The following ABCG2 variants were observed in gnomAD, a reference collection of about 807,000 sequenced individuals.
ABCG2 encodes the protein ATP binding cassette subfamily G member 2 (JR blood group), also known as broad substrate specificity ATP-binding cassette transporter ABCG2.
ABCG2 carries 80 observed loss-of-function variants against 73.5 expected under a neutral mutation model. The ratio of observed to expected loss-of-function variants is 1.09; its 90% CI spans 0.91 to 1.31. The LOEUF (loss-of-function observed/expected upper bound fraction) is 1.31. ABCG2 is among the 50% of genes most tolerant of loss of function. ABCG2 has a pLI of 0.00. For synonymous variants in ABCG2, 269 were observed against 282.4 expected (o/e 0.95, Z 0.48); for missense variants, 796 against 786.2 (o/e 1.01, Z -0.15).
In ABCG2 at chr4:88,101,338, C is replaced by G; in HGVS notation, c.1278-19G>C. 1 of 1,605,204 alleles carries G rather than the reference C, an allele frequency of 6.2e-7. No homozygotes were observed. Among genetic ancestry groups the G allele is most frequent in the South Asian group, 1.1e-5 (1 of 90,838 alleles). ...CCCAGCTCTGCCATGAAAAGGGGAA[C>G]CAAATCACCGCAGTCAACTCAGCAT... On this transcript the variant is annotated intron_variant, in intron 10 of 15. Coordinates refer to ENST00000237612, the MANE Select transcript of ABCG2 (RefSeq NM_004827.3).
intron 1 of ABCG2, among the ~76,000 whole-genome samples, chr4:88,191,345 A>G (rs1728686176): frequency 6.6e-6 from 1 of 151,838 alleles, no homozygotes; most frequent in South Asian, 2.1e-4. Context: ...CAACAAGTAC[A>G]TGAAAAGATG....
chr4:88,138,129 C>T (rs1476710199), intron 2 of ABCG2, among the ~76,000 whole-genome samples: 1 of 152,050 alleles, frequency 6.6e-6, no homozygotes, highest in Non-Finnish European at 1.5e-5. Context: ...TTAGGTGATG[C>T]AGCAGGACTC....
intron 2 of ABCG2, among the ~76,000 whole-genome samples, chr4:88,135,157 C>G (rs1376475583): frequency 1.3e-5 from 2 of 152,172 alleles, no homozygotes; most frequent in African/African-American, 2.4e-5. Flanking sequence ...CTGTTCTAGT[C>G]TATGGTCTAC....
intron 1 of ABCG2, among the ~76,000 whole-genome samples, chr4:88,193,443 T>C (rs376173945): frequency 1.3e-5 from 2 of 152,204 alleles, no homozygotes; most frequent in East Asian, 3.8e-4. Context: ...TTTCACTGTA[T>C]AATTTCCTGA....
intron 9 of ABCG2, among the ~76,000 whole-genome samples, chr4:88,111,644 T>C (rs1410421210): frequency 6.6e-6 from 1 of 152,176 alleles, no homozygotes; most frequent in African/African-American, 2.4e-5. Context: ...AATATTTTAC[T>C]AGAGCCAACA....
At chr4:88,124,271 C>A (rs1319296978) in intron 5 of ABCG2, among the ~76,000 whole-genome samples, 1 of 152,148 alleles carries the variant, frequency 6.6e-6, no homozygotes, top group Non-Finnish European at 1.5e-5. Flanking sequence ...GGCAAAATAA[C>A]CAGCTAACAT....
chr4:88,112,567 C>A (rs551988982), intron 9 of ABCG2, among the ~76,000 whole-genome samples: 4 of 152,048 alleles, frequency 2.6e-5, no homozygotes, highest in Admixed American at 6.6e-5. Context: ...AAATTAGCTC[C>A]ATGAGCAGAG....
chr4:88,165,646 C>G (rs548526774), intron 1 of ABCG2, among the ~76,000 whole-genome samples: 1 of 152,138 alleles, frequency 6.6e-6, no homozygotes, highest in African/African-American at 2.4e-5. Context: ...GAGGCCGAGG[C>G]GGGTGGATTA....
Position 88,108,436 on chromosome 4 carries a change from G to A in ABCG2, c.1195-1170C>T, listed in dbSNP as rs556054352. 7.2e-4 allele frequency among the ~76,000 whole-genome samples: 110 copies of A among 152,172 alleles called. 1 individual carries two copies. Among genetic ancestry groups the A allele is most frequent in the Non-Finnish European group, 8.2e-4 (56 of 68,008 alleles). On this transcript the variant is annotated intron_variant, in intron 9 of 15. Coordinates refer to ENST00000237612, the MANE Select transcript of ABCG2 (RefSeq NM_004827.3). Reference sequence around the variant, plus strand: ...AGTCCCAGCTACTCGGGAGGCTGAGGCACAAGAATCACTTGAACCCTAGAG... The same window carrying A: ...AGTCCCAGCTACTCGGGAGGCTGAGACACAAGAATCACTTGAACCCTAGAG...
chr4:88,114,992 G>A lies in ABCG2; in HGVS notation c.908C>T (p.Thr303Ile), dbSNP rs779557364. 1 of 1,612,640 alleles carries A rather than the reference G, an allele frequency of 6.2e-7. No homozygotes were observed. The highest frequency in any genetic ancestry group is 1.1e-5 in the South Asian group (1 of 90,920). Reference sequence around the variant, plus strand: ...TTCTTCTCTGTTTAATGCCACAGCAGTGGAATCTCCATTAATGATGTCCAA... The same window carrying A: ...TTCTTCTCTGTTTAATGCCACAGCAATGGAATCTCCATTAATGATGTCCAA... ...FFLDIINGDS[T>I]AVALNREEDF... The change falls in exon 8 of 16, where the codon ACT becomes ATT. Residue 303 changes from threonine (T) to isoleucine (I), a missense_variant. Physicochemically the swap from Thr to Ile is moderately conservative, Grantham distance 89. Transcript: ENST00000237612.
At chr4:88,177,168 C>A (rs9631721) in intron 1 of ABCG2, among the ~76,000 whole-genome samples, 53,712 of 151,826 alleles carry the variant, frequency 0.35, 9,865 homozygotes, top group Non-Finnish European at 0.39. Flanking sequence ...GTCAGGAGAT[C>A]GAGACCATTC....
intron 1 of ABCG2, among the ~76,000 whole-genome samples, chr4:88,169,563 T>C (rs1727674432): frequency 6.6e-6 from 1 of 152,166 alleles, no homozygotes; most frequent in African/African-American, 2.4e-5. Context: ...AGAGTTCTAA[T>C]GGTCAGTTAA....
rs759139218 is a variant in ABCG2, at chr4:88,092,199, AT to A, written c.*34del. ...ACTTCAATCAAAGTGCTTCTTTTTT[AT>A]GTGAGGATAAATCATACTGAATTAA... is the stretch of plus-strand genomic sequence containing the variant. On this transcript the variant is annotated 3_prime_UTR_variant, in exon 16 of 16. Transcript: ENST00000237612. The A allele has an allele frequency of 1.3e-6, 2 of 1,552,264 alleles. No homozygotes were observed. The highest frequency in any genetic ancestry group is 1.7e-6 in the Non-Finnish European group (2 of 1,145,852).
At chr4:88,106,030 C>T (rs1209792157) in intron 10 of ABCG2, among the ~76,000 whole-genome samples, 10 of 152,178 alleles carry the variant, frequency 6.6e-5, no homozygotes, top group East Asian at 3.9e-4. Flanking sequence ...CTGTGGAAGA[C>T]GGTATAGTAG....
intron 1 of ABCG2, among the ~76,000 whole-genome samples, chr4:88,171,857 G>A (rs1009368430): frequency 1.3e-5 from 2 of 152,152 alleles, no homozygotes; most frequent in Non-Finnish European, 2.9e-5. Flanking sequence ...GATGGCATGT[G>A]CCTGTAATCC....
intron 15 of ABCG2, among the ~76,000 whole-genome samples, chr4:88,093,490 C>G (rs1395558142): frequency 8.2e-6 from 1 of 121,284 alleles, no homozygotes; most frequent in Non-Finnish European, 1.6e-5. Flanking sequence ...GGTGACAGAG[C>G]GAGACTCCAT....
Position 88,118,278 on chromosome 4 carries a change from C to T in ABCG2, c.690-18G>A. On this transcript the variant is annotated intron_variant, in intron 6 of 15. Coordinates refer to ENST00000237612, the MANE Select transcript of ABCG2 (RefSeq NM_004827.3). Reference sequence around the variant, plus strand: ...TAGACATCCTAAGTTAAAAGTGAGACAATACTAAGTCATTAAATATCTGAA... The same window carrying T: ...TAGACATCCTAAGTTAAAAGTGAGATAATACTAAGTCATTAAATATCTGAA... The T allele has an allele frequency of 6.2e-7, 1 of 1,611,946 alleles. No individual in the cohort carries two copies. The highest frequency in any genetic ancestry group is 2.2e-5 in the East Asian group (1 of 44,852).
chr4:88,159,804 C>T (rs1242765847), upstream of ABCG2, among the ~76,000 whole-genome samples: 3 of 152,268 alleles, frequency 2.0e-5, no homozygotes, highest in East Asian at 5.8e-4. Context: ...ATATACCATA[C>T]CGCATGCTTT....
intron 3 of ABCG2, 91 bp from the exon 4 acceptor site, chr4:88,132,008 T>C: frequency 4.0e-6 from 3 of 759,310 alleles, no homozygotes; most frequent in South Asian, 2.1e-5. Flanking sequence ...ATGCTATATA[T>C]CTCATGGCTA....
Sources: allele counts gnomAD v4.1 joint callset (sites outside exome capture counted in the v4.1 genomes callset), GRCh38; gene constraint gnomAD v4.1.1; transcripts MANE v1.5; gene names NCBI Gene and HGNC (gene_info 2026-07-23, HGNC 2026-07-21).